ATP9A: variants seen among roughly 807,000 people sequenced by gnomAD.
ATP9A encodes the protein ATPase phospholipid transporting 9A, also known as probable phospholipid-transporting ATPase IIA.
A neutral mutation model predicts 144.1 loss-of-function variants in ATP9A; 52 were observed. The observed-to-expected ratio is 0.36, with a 90% CI of 0.29 to 0.45. The LOEUF (loss-of-function observed/expected upper bound fraction) is 0.45. ATP9A is among the 20% of genes least tolerant of loss of function. The pLI, the probability that ATP9A is intolerant of heterozygous loss-of-function variation, is 1.00. For missense variants in ATP9A, 947 were observed against 1,392.7 expected (o/e 0.68, Z 5.09); for synonymous variants, 582 against 557.4 (o/e 1.04, Z -0.62).
intron 13 of ATP9A, among the ~76,000 whole-genome samples, chr20:51,664,413 C>T (rs1180880943): frequency 6.6e-6 from 1 of 151,876 alleles, no homozygotes; most frequent in East Asian, 1.9e-4. Flanking sequence ...TGGTAACACC[C>T]CCTCTCTCTA....
At chr20:51,630,207 C>T (rs887191704) in intron 15 of ATP9A, among the ~76,000 whole-genome samples, 3 of 152,248 alleles carry the variant, frequency 2.0e-5, no homozygotes, top group Admixed American at 6.5e-5. Context: ...AGTCCTAGCT[C>T]TGAGGAATGA....
chr20:51,747,753 A>G (rs1030665073), intron 1 of ATP9A, among the ~76,000 whole-genome samples: 1 of 152,072 alleles, frequency 6.6e-6, no homozygotes, highest in Non-Finnish European at 1.5e-5. Context: ...CTCCTCTTAT[A>G]GAAGTATGAC....
intron 23 of ATP9A, among the ~76,000 whole-genome samples, chr20:51,612,951 G>A (rs934088896): frequency 3.3e-5 from 5 of 152,120 alleles, no homozygotes; most frequent in African/African-American, 7.2e-5. Context: ...AAGTGGACAC[G>A]GTCCCAGGCC....
intron 1 of ATP9A, among the ~76,000 whole-genome samples, chr20:51,760,208 G>T (rs993994284): frequency 6.6e-6 from 1 of 152,154 alleles, no homozygotes; most frequent in Non-Finnish European, 1.5e-5. Flanking sequence ...GCCTCCAGGC[G>T]TGAGTTACAG....
chr20:51,631,078 G>A (rs1190650375), intron 15 of ATP9A, among the ~76,000 whole-genome samples: 1 of 152,120 alleles, frequency 6.6e-6, no homozygotes, highest in Non-Finnish European at 1.5e-5. Flanking sequence ...CGACAAACTG[G>A]ATTTGCCTGC....
intron 13 of ATP9A, among the ~76,000 whole-genome samples, chr20:51,668,552 C>G (rs1170240142): frequency 6.6e-6 from 1 of 152,074 alleles, no homozygotes. Context: ...CCCAGAGACA[C>G]CAACCCCAAA....
At chr20:51,688,049 C>T (rs2077531207) in intron 9 of ATP9A, among the ~76,000 whole-genome samples, 1 of 152,204 alleles carries the variant, frequency 6.6e-6, no homozygotes, top group African/African-American at 2.4e-5. Flanking sequence ...TGCCTTTCAC[C>T]TGCTGTGTGA....
chr20:51,733,312 G>T (rs530229851), intron 1 of ATP9A, among the ~76,000 whole-genome samples: 1 of 152,014 alleles, frequency 6.6e-6, no homozygotes, highest in African/African-American at 2.4e-5. Flanking sequence ...TCATAGTTCT[G>T]GAGGCTGCAA....
chr20:51,726,313 C>CAAA lies in ATP9A; in HGVS notation c.214-384_214-382dup, dbSNP rs11476208. 8.3e-4 allele frequency among the ~76,000 whole-genome samples: 59 copies of CAAA among 70,776 alleles called. 1 individual carries two copies. Among genetic ancestry groups the CAAA allele is most frequent in the South Asian group, 1.7e-3 (2 of 1,146 alleles). The allele number at this position is 70,776 out of a possible 152,430, so 46.4% of individuals were successfully genotyped here. On this transcript the variant is annotated intron_variant, in intron 2 of 27. Coordinates refer to ENST00000338821, the MANE Select transcript of ATP9A (RefSeq NM_006045.3). ...GGGCAACAAGAGCGAAACTCTGTCT[C>CAAA]AAAAAAAAAAAAAAAAAAAAAAAAA... is the stretch of plus-strand genomic sequence containing the variant.
chr20:51,734,948 G>T, intron 1 of ATP9A: 1 of 208,574 alleles, frequency 4.8e-6, no homozygotes, highest in Non-Finnish European at 1.0e-5. Context: ...GCACTGCTAA[G>T]GGTCTTAGGC....
intron 3 of ATP9A, among the ~76,000 whole-genome samples, chr20:51,719,072 G>A (rs916262520): frequency 1.3e-5 from 2 of 151,302 alleles, no homozygotes; most frequent in African/African-American, 4.9e-5. Flanking sequence ...AGGATGCAGC[G>A]AGCCAAGATC....
chr20:51,702,769 T>C (rs184338955), intron 4 of ATP9A, among the ~76,000 whole-genome samples: 80 of 152,020 alleles, frequency 5.3e-4, no homozygotes, highest in African/African-American at 1.8e-3. Flanking sequence ...CTACGAACAT[T>C]GTTGCAAAAA....
At chr20:51,741,640 CAG>C (rs1193978689) in intron 1 of ATP9A, among the ~76,000 whole-genome samples, 4 of 152,298 alleles carry the variant, frequency 2.6e-5, no homozygotes, top group Non-Finnish European at 2.9e-5. Flanking sequence ...CTCGCCTGAA[CAG>C]AGTTTCCCAA....
In ATP9A at chr20:51,715,323, C is replaced by T. The variant is rs1466643034; in HGVS notation, c.328-2249G>A. 2.0e-5 allele frequency among the ~76,000 whole-genome samples: 3 copies of T among 152,176 alleles called. No individual in the cohort carries two copies. In the East Asian group the frequency reaches 5.8e-4, roughly 29 times the overall value. Reference sequence around the variant, plus strand: ...ACACTGCAGCCAAAAGAAACTGGTACATTTCAGAATCAAAGCATAACCAGA... The same window carrying T: ...ACACTGCAGCCAAAAGAAACTGGTATATTTCAGAATCAAAGCATAACCAGA... On this transcript the variant is annotated intron_variant, in intron 3 of 27. Coordinates refer to ENST00000338821, the MANE Select transcript of ATP9A (RefSeq NM_006045.3).
At chr20:51,759,080 A>G (rs1601149179) in intron 1 of ATP9A, among the ~76,000 whole-genome samples, 1 of 152,218 alleles carries the variant, frequency 6.6e-6, no homozygotes. Context: ...TGGTCAGCAC[A>G]AGGCAGAGCA....
At chr20:51,645,421 G>A (rs1302305911) in intron 14 of ATP9A, among the ~76,000 whole-genome samples, 4 of 152,208 alleles carry the variant, frequency 2.6e-5, no homozygotes, top group African/African-American at 9.6e-5. Flanking sequence ...TCGGGAGGCT[G>A]AGGCAGGAGA....
At chr20:51,730,719 G>A (rs1363091876) in intron 1 of ATP9A, among the ~76,000 whole-genome samples, 1 of 152,232 alleles carries the variant, frequency 6.6e-6, no homozygotes, top group African/African-American at 2.4e-5. Context: ...AAGACAGGCA[G>A]TGGTAGCACA....
Position 51,729,891 on chromosome 20 carries a change from C to T in ATP9A, c.156G>A (p.Arg52=). 6.2e-7 allele frequency: 1 copy of T among 1,606,980 alleles called. No homozygotes were observed. The highest frequency in any genetic ancestry group is 8.5e-7 in the Non-Finnish European group (1 of 1,177,938). Residue 52 remains arginine (R), a synonymous_variant, in exon 2 of 28, where the codon AGG becomes AGA. Transcript: ENST00000338821. ...GATTGTTGATGACATTCCGAGGATA[C>T]CTCTGGTCTCTCTTCTCGGGGTGCC... is the stretch of plus-strand genomic sequence containing the variant. ...WLGHPEKRDQ[R]YPRNVINNQK...
intron 1 of ATP9A, among the ~76,000 whole-genome samples, chr20:51,754,204 C>G (rs1461134509): frequency 6.6e-6 from 1 of 152,056 alleles, no homozygotes; most frequent in African/African-American, 2.4e-5. Context: ...ATCTCAGATA[C>G]AGAAAAGGAA....
Sources: allele counts gnomAD v4.1 joint callset (sites outside exome capture counted in the v4.1 genomes callset), GRCh38; gene constraint gnomAD v4.1.1; transcripts MANE v1.5; gene names NCBI Gene and HGNC (gene_info 2026-07-23, HGNC 2026-07-21).